Variants in LVRN observed in about 807,000 individuals in gnomAD.
LVRN encodes aminopeptidase Q.
LVRN carries 99 observed loss-of-function variants against 111.4 expected under a neutral mutation model. That is an observed-to-expected ratio of 0.89 (90% confidence interval 0.76 to 1.05). The LOEUF is 1.05. Ranked by LOEUF, LVRN falls within the 50% of genes least tolerant of loss-of-function variation. The probability of loss-of-function intolerance (pLI) is 0.00; values close to 1 mark genes in which losing one functional copy is unlikely to be tolerated. For missense variants in LVRN, 1,414 were observed against 1,206.8 expected, an observed-to-expected ratio of 1.17 and a Z score of -2.54; for synonymous variants, 488 against 449.5, an observed-to-expected ratio of 1.09 and a Z score of -1.08.
In LVRN at chr5:115,962,861, A is replaced by G; in HGVS notation, c.244A>G (p.Thr82Ala). The change falls in exon 1 of 20, where the codon ACC (threonine) becomes GCC (alanine). Residue 82 changes from threonine to alanine, a missense_variant. Coordinates refer to ENST00000357872, the MANE Select transcript of LVRN (RefSeq NM_173800.5). ...PSSARELAVT[T>A]TPSNWRPPGP... ...CAGTGCACGCGAGCTAGCGGTGACG[A>G]CCACCCCGAGCAACTGGCGACCCCC... 1 of 1,612,700 alleles carries G rather than the reference A, an allele frequency of 6.2e-7. No individual in the cohort carries two copies.
chr5:116,021,826 G>T (rs1029500002), intron 18 of LVRN: 7 of 392,454 alleles, frequency 1.8e-5, no homozygotes, highest in African/African-American at 8.6e-5. Context: ...GATATTCAGG[G>T]ACACTAAACT....
intron 18 of LVRN, among the ~76,000 whole-genome samples, chr5:116,020,583 C>T (rs941590696): frequency 6.6e-6 from 1 of 152,148 alleles, no homozygotes; most frequent in African/African-American, 2.4e-5. Flanking sequence ...GTTTTCACTT[C>T]TACTTGGTTG....
chr5:115,997,513 A>G (rs1041333338), intron 6 of LVRN, among the ~76,000 whole-genome samples: 9 of 152,086 alleles, frequency 5.9e-5, no homozygotes, highest in Non-Finnish European at 1.2e-4. Flanking sequence ...AAATTTTTTT[A>G]ATTAGCAGGG....
intron 19 of LVRN, among the ~76,000 whole-genome samples, chr5:116,025,231 T>C (rs1748837594): frequency 6.6e-6 from 1 of 152,224 alleles, no homozygotes; most frequent in South Asian, 2.1e-4. Context: ...TTTTACATTG[T>C]AATTAGGCTT....
chr5:116,022,923 G>A (rs1225126610), intron 19 of LVRN, among the ~76,000 whole-genome samples: 2 of 152,150 alleles, frequency 1.3e-5, no homozygotes, highest in Non-Finnish European at 2.9e-5. Flanking sequence ...CAAGAGAGAC[G>A]GACAGACACC....
chr5:115,989,902 T>C (rs549579231), intron 4 of LVRN, among the ~76,000 whole-genome samples: 172 of 152,164 alleles, frequency 1.1e-3, no homozygotes, highest in African/African-American at 3.6e-3. Flanking sequence ...CTTTGCTGAG[T>C]CACAAACAAC....
chr5:116,019,981 T>G (rs1430066720), intron 18 of LVRN: 1 of 152,272 alleles, frequency 6.6e-6, no homozygotes, highest in East Asian at 1.9e-4. Flanking sequence ...AAGGCACATG[T>G]TGGAGTTGAG....
At chr5:115,977,507 G>T (rs192349988) in intron 1 of LVRN, among the ~76,000 whole-genome samples, 5 of 152,302 alleles carry the variant, frequency 3.3e-5, no homozygotes, top group Admixed American at 1.3e-4. Flanking sequence ...TTGAGCCTAT[G>T]TTACTCCCTG....
intron 10 of LVRN, 30 bp from the exon 11 acceptor site, chr5:116,002,805 T>G (rs767941337): frequency 6.7e-7 from 1 of 1,501,490 alleles, no homozygotes; most frequent in Non-Finnish European, 9.2e-7. Context: ...GTGTGAAAAG[T>G]AACTAATTTT....
intron 6 of LVRN, among the ~76,000 whole-genome samples, chr5:115,998,798 G>T (rs571837917): frequency 6.6e-6 from 1 of 152,176 alleles, no homozygotes; most frequent in Admixed American, 6.5e-5. Flanking sequence ...GTTAAAATTT[G>T]AGATGTATTG....
chr5:115,984,847 C>A lies in LVRN; in HGVS notation c.978+138C>A. 4 of 1,188,602 alleles carry A rather than the reference C, an allele frequency of 3.4e-6. No homozygotes were observed. The South Asian group carries it at 6.5e-5, about 19-fold the overall frequency. 73.6% of individuals were successfully genotyped at this position (1,188,602 alleles called of 1,614,324 possible). A position where few individuals can be genotyped will look rare whatever the true frequency, so the allele number is the denominator to read the frequency against. On this transcript the variant is annotated intron_variant, in intron 3 of 19. Coordinates refer to ENST00000357872, the MANE Select transcript of LVRN (RefSeq NM_173800.5). ...CTCTCTCCCAAGCCCTGTAAAAGTT[C>A]TTAGTGTGGCTTTGCAGAATGGGAC... is the stretch of plus-strand genomic sequence containing the variant.
In LVRN at chr5:115,963,192, TCAGTGAGC is replaced by T; in HGVS notation, c.577_584del (p.Ser193ProfsTer5). ...GACACGGAATACATGGTGCTGGAGC[TCAGTGAGC>T]CCCTGAAACCTGGTAGCAGCTACGA... On this transcript the variant is annotated frameshift_variant, in exon 1 of 20. Coordinates refer to ENST00000357872, the MANE Select transcript of LVRN (RefSeq NM_173800.5). LOFTEE classifies it high-confidence loss of function. 1 of 1,612,766 alleles carries T rather than the reference TCAGTGAGC, an allele frequency of 6.2e-7. No homozygotes were observed. Among genetic ancestry groups the T allele is most frequent in the Non-Finnish European group, 8.5e-7 (1 of 1,179,784 alleles).
At chr5:115,993,717 T>A in intron 5 of LVRN, 24 bp from the exon 6 acceptor site, 1 of 1,481,738 alleles carries the variant, frequency 6.7e-7, no homozygotes, top group Non-Finnish European at 9.3e-7. Flanking sequence ...AAGAAAGCTC[T>A]TTTTTTCTTC....
intron 1 of LVRN, among the ~76,000 whole-genome samples, chr5:115,972,444 T>C (rs141291902): frequency 1.3e-5 from 2 of 151,766 alleles, no homozygotes; most frequent in African/African-American, 4.8e-5. Flanking sequence ...GCTACAACTT[T>C]GCTAAATCAC....
chr5:116,015,914 G>C, intron 18 of LVRN, 149 bp downstream of exon 18: 1 of 977,292 alleles, frequency 1.0e-6, no homozygotes, highest in Non-Finnish European at 1.4e-6. Context: ...TTTTTCCTTT[G>C]TTTAGTCTCA....
intron 18 of LVRN, 186 bp from the exon 19 acceptor site, chr5:116,022,205 C>T (rs1748744594): frequency 4.1e-6 from 2 of 490,612 alleles, no homozygotes. Context: ...AAGTATTTAA[C>T]TTCCTTAGTG....
At chr5:115,974,885 T>C (rs1204692615) in intron 1 of LVRN, 1 of 443,526 alleles carries the variant, frequency 2.3e-6, no homozygotes, top group African/African-American at 2.0e-5. Flanking sequence ...ATCTCTCTGT[T>C]CTGTATCACC....
At chr5:115,998,054 G>A (rs1277208765) in intron 6 of LVRN, among the ~76,000 whole-genome samples, 1 of 152,148 alleles carries the variant, frequency 6.6e-6, no homozygotes, top group Non-Finnish European at 1.5e-5. Flanking sequence ...AGCAATATGT[G>A]CAAAAACGTT....
At chr5:116,017,928 A>C (rs186500427) in intron 18 of LVRN, among the ~76,000 whole-genome samples, 163 of 152,226 alleles carry the variant, frequency 1.1e-3, no homozygotes, top group Non-Finnish European at 2.0e-3. Context: ...TTAGAGTCTC[A>C]TGTTTAGAAT....
Sources: gnomAD v4.1 joint callset for allele counts (sites outside exome capture counted in the v4.1 genomes callset) on GRCh38, gnomAD v4.1.1 for gene constraint, MANE v1.5 for transcripts, NCBI Gene and HGNC (gene_info 2026-07-23, HGNC 2026-07-21) for gene names.